Variants in ABCC8 observed in about 807,000 individuals in gnomAD.
ABCC8 encodes ATP-binding cassette sub-family C member 8.
Under a neutral mutation model 188.0 loss-of-function variants are expected in ABCC8, and 137 were observed. The observed-to-expected ratio is 0.73, with a 90% CI of 0.63 to 0.84. The LOEUF is 0.84. Among genes scored for constraint, ABCC8 ranks in the 40% least tolerant of loss-of-function variants. The pLI, the probability that ABCC8 is intolerant of heterozygous loss-of-function variation, is 0.00. For missense variants in ABCC8, 1,750 were observed against 2,072.7 expected (o/e 0.84, Z 3.02); for synonymous variants, 797 against 846.5 (o/e 0.94, Z 1.01).
At chr11:17,405,589 A>G in intron 26 of ABCC8, 26 bp from the exon 27 acceptor site, 1 of 1,614,144 alleles carries the variant, frequency 6.2e-7, no homozygotes, top group Non-Finnish European at 8.5e-7. Flanking sequence ...AGGAAGAGTT[A>G]CTCATTTGTC....
chr11:17,471,820 C>T (rs1198223816), intron 2 of ABCC8, among the ~76,000 whole-genome samples: 1 of 152,200 alleles, frequency 6.6e-6, no homozygotes, highest in Non-Finnish European at 1.5e-5. Context: ...ATCAAACCAA[C>T]TTGAAAAGGC....
chr11:17,421,571 G>A (rs1458607998), intron 16 of ABCC8, among the ~76,000 whole-genome samples: 1 of 152,178 alleles, frequency 6.6e-6, no homozygotes, highest in East Asian at 1.9e-4. Flanking sequence ...AGACAGACTG[G>A]AGGACATTTA....
intron 23 of ABCC8, chr11:17,408,053 C>A: frequency 3.7e-6 from 1 of 269,856 alleles, no homozygotes; most frequent in African/African-American, 2.2e-5. Flanking sequence ...CTATGACACA[C>A]CTGGACTTTT....
intron 10 of ABCC8, among the ~76,000 whole-genome samples, chr11:17,441,305 G>A (rs558881105): frequency 6.6e-5 from 10 of 152,072 alleles, no homozygotes; most frequent in South Asian, 2.1e-4. Context: ...GATCTAGTCC[G>A]AGCCATGCTA....
chr11:17,424,554 A>T (rs1955498937), intron 16 of ABCC8, among the ~76,000 whole-genome samples: 1 of 152,198 alleles, frequency 6.6e-6, no homozygotes. Context: ...GGCAGGCACG[A>T]TGCCACATGA....
chr11:17,394,535 G>C (rs560926617), intron 36 of ABCC8, 136 bp from the exon 37 acceptor site: 1 of 1,474,626 alleles, frequency 6.8e-7, no homozygotes, highest in Non-Finnish European at 9.2e-7. Flanking sequence ...AAGAGCACAG[G>C]CGTGTGCAGG....
At chr11:17,393,951 C>G (rs988550247) in intron 37 of ABCC8, 192 bp from the exon 38 acceptor site, 3 of 733,526 alleles carry the variant, frequency 4.1e-6, no homozygotes, top group South Asian at 6.2e-5. Context: ...GAGCTCAGCT[C>G]TGTGTGTGTA....
rs1953893795 is a variant in ABCC8 at position 17,395,840 on chromosome 11, C to T, written c.4198+12G>A. 2.5e-6 allele frequency: 4 copies of T among 1,570,242 alleles called. No homozygotes were observed. The Admixed American group carries it at 7.5e-5, about 29-fold the overall frequency. ...CTGTGGGTACACGTGGGGTGCCCGCCTTACAACTCACCTTCGAACGTGTCC... is the reference window on the plus strand; with the variant it reads ...CTGTGGGTACACGTGGGGTGCCCGCTTTACAACTCACCTTCGAACGTGTCC... On this transcript the variant is annotated intron_variant, in intron 34 of 38. Coordinates refer to ENST00000389817, the MANE Select transcript of ABCC8 (RefSeq NM_000352.6).
intron 3 of ABCC8, among the ~76,000 whole-genome samples, chr11:17,468,902 C>CTG (rs1848316939): frequency 1.3e-5 from 2 of 152,120 alleles, no homozygotes; most frequent in African/African-American, 4.8e-5. Context: ...TGCCTGGGAC[C>CTG]CCAGTCCTGC....
At chr11:17,436,111 G>T in intron 10 of ABCC8, 1 of 815,408 alleles carries the variant, frequency 1.2e-6, no homozygotes, top group East Asian at 2.4e-5. Flanking sequence ...AGCATTTCTG[G>T]TACAGAGCTG....
At chr11:17,441,112 C>A (rs544027649) in intron 10 of ABCC8, among the ~76,000 whole-genome samples, 1 of 152,124 alleles carries the variant, frequency 6.6e-6, no homozygotes, top group Non-Finnish European at 1.5e-5. Context: ...AGGAGGTGGT[C>A]GGTAGCCTCT....
intron 22 of ABCC8, among the ~76,000 whole-genome samples, chr11:17,410,043 C>A (rs12276477): frequency 1.3e-5 from 2 of 152,022 alleles, no homozygotes; most frequent in African/African-American, 2.4e-5. Context: ...TGAGCCCCTG[C>A]GCCCAGCCTG....
At chr11:17,442,682 C>G (rs1207813154) in intron 10 of ABCC8, 38 bp downstream of exon 10, 1 of 1,603,754 alleles carries the variant, frequency 6.2e-7, no homozygotes, top group Non-Finnish European at 8.5e-7. Flanking sequence ...TGCATGTACG[C>G]AGCAGCACCC....
intron 3 of ABCC8, among the ~76,000 whole-genome samples, chr11:17,467,419 C>T (rs968950376): frequency 6.6e-6 from 1 of 152,164 alleles, no homozygotes; most frequent in Admixed American, 6.5e-5. Flanking sequence ...AACCCAAAGT[C>T]CAGCTCCCCT....
intron 17 of ABCC8, among the ~76,000 whole-genome samples, chr11:17,415,751 T>G (rs1367305293): frequency 6.6e-6 from 1 of 152,156 alleles, no homozygotes; most frequent in Non-Finnish European, 1.5e-5. Context: ...CAAGGAGTGC[T>G]CTGGACAGAG....
At chr11:17,407,496 G>T in intron 23 of ABCC8, 43 bp from the exon 24 acceptor site, 1 of 1,613,852 alleles carries the variant, frequency 6.2e-7, no homozygotes, top group Non-Finnish European at 8.5e-7. Flanking sequence ...CAGGATATAT[G>T]GTTGGTGGGG....
chr11:17,427,722 C>A lies in ABCC8; in HGVS notation c.2116+145G>T, dbSNP rs78813404. 5.1e-3 allele frequency: 6,016 copies of A among 1,175,308 alleles called. 113 individuals are homozygous for A. In the African/African-American group the frequency reaches 0.054, roughly 11 times the overall value. The allele number at this position is 1,175,308 out of a possible 1,614,324, so 72.8% of individuals were successfully genotyped here. A position where few individuals can be genotyped will look rare whatever the true frequency, so the allele number is the denominator to read the frequency against. Reference sequence around the variant, plus strand: ...GCACACGGAAGCCTCTAGAATGTAGCCTTCCCCTTCTATAATATACCCAGG... The same window carrying A: ...GCACACGGAAGCCTCTAGAATGTAGACTTCCCCTTCTATAATATACCCAGG... On this transcript the variant is annotated intron_variant, in intron 15 of 38. Transcript: ENST00000389817. This position sits in a 1 kb window ranked among gnomAD's most constrained non-coding sequence, Gnocchi z 5.0.
chr11:17,429,529 G>C (rs910383905), intron 12 of ABCC8: 9 of 152,254 alleles, frequency 5.9e-5, no homozygotes, highest in African/African-American at 1.9e-4. Context: ...TTCAGGTAGT[G>C]TCCTGCGCCC....
Position 17,404,283 on chromosome 11 carries a change from G to A in ABCC8, c.3557+229C>T, listed in dbSNP as rs993026576. On this transcript the variant is annotated intron_variant, in intron 28 of 38. Coordinates refer to ENST00000389817, the MANE Select transcript of ABCC8 (RefSeq NM_000352.6). This position sits in a 1 kb window ranked among gnomAD's most constrained non-coding sequence, Gnocchi z 4.7. ...TAGCAATTCCAGTCCTGACCATATC[G>A]CCCAAGGAAATAATTCAGATGTCAA... 1.1e-4 allele frequency among the ~76,000 whole-genome samples: 16 copies of A among 152,138 alleles called. No individual in the cohort carries two copies. Among genetic ancestry groups the A allele is most frequent in the African/African-American group, 3.4e-4 (14 of 41,420 alleles).
Sources: allele counts gnomAD v4.1 joint callset (sites outside exome capture counted in the v4.1 genomes callset), GRCh38; gene constraint gnomAD v4.1.1; non-coding constraint Gnocchi (gnomAD v3.1); transcripts MANE v1.5; gene names NCBI Gene and HGNC (gene_info 2026-07-23, HGNC 2026-07-21).